SLC39A11: variants seen among roughly 807,000 people sequenced by gnomAD.
SLC39A11 encodes the protein zinc transporter ZIP11.
SLC39A11 carries 33 observed loss-of-function variants against 36.1 expected under a neutral mutation model. That is an observed-to-expected ratio of 0.91 (90% CI 0.69 to 1.22). The LOEUF is 1.22. Ranked by LOEUF, SLC39A11 falls within the 50% of genes most tolerant of loss-of-function variation. SLC39A11 has a pLI of 0.00. For missense variants in SLC39A11, 432 were observed against 430.3 expected, an observed-to-expected ratio of 1.00 and a Z score of -0.03; for synonymous variants, 166 against 170.3, an observed-to-expected ratio of 0.97 and a Z score of 0.20.
chr17:72,700,543 T>C (rs1374492473), intron 7 of SLC39A11, among the ~76,000 whole-genome samples: 1 of 152,210 alleles, frequency 6.6e-6, no homozygotes, highest in Non-Finnish European at 1.5e-5. Context: ...TGCACAGCCC[T>C]GCCCCCAGGG....
At chr17:72,788,776 C>T (rs1179004845) in intron 6 of SLC39A11, among the ~76,000 whole-genome samples, 1 of 152,300 alleles carries the variant, frequency 6.6e-6, no homozygotes, top group African/African-American at 2.4e-5. Flanking sequence ...GAGGCAGGGG[C>T]CCCAACCCCA....
intron 5 of SLC39A11, among the ~76,000 whole-genome samples, chr17:72,909,529 C>T (rs1244871852): frequency 2.0e-5 from 3 of 152,132 alleles, no homozygotes; most frequent in East Asian, 1.9e-4. Flanking sequence ...GGGCTTCAGA[C>T]ATTCAGGAAC....
At chr17:72,746,784 C>A (rs957859910) in intron 6 of SLC39A11, among the ~76,000 whole-genome samples, 1 of 151,342 alleles carries the variant, frequency 6.6e-6, no homozygotes, top group Non-Finnish European at 1.5e-5. Flanking sequence ...TGCTGGTGTG[C>A]ACCTGTAGTC....
rs566134563 is a variant in SLC39A11 at position 72,652,662 on chromosome 17, C to T, written c.672-3394G>A. On this transcript the variant is annotated intron_variant, in intron 7 of 9. Transcript: ENST00000255559. ...TCCAAGAGAGACTAAGATTTTCTAC[C>T]CTAAAGCCAAAACTCATTCCTCTGC... 9.9e-5 allele frequency among the ~76,000 whole-genome samples: 15 copies of T among 152,270 alleles called. No homozygotes were observed. In the South Asian group the frequency reaches 2.1e-3, roughly 21 times the overall value.
chr17:72,676,019 T>G (rs2071241949), intron 7 of SLC39A11, among the ~76,000 whole-genome samples: 1 of 150,944 alleles, frequency 6.6e-6, no homozygotes. Context: ...CCAGCCAAAG[T>G]CCTAAAGGTG....
chr17:72,712,385 T>C (rs2073141553), intron 7 of SLC39A11, among the ~76,000 whole-genome samples: 1 of 152,232 alleles, frequency 6.6e-6, no homozygotes, highest in Non-Finnish European at 1.5e-5. Context: ...TCTCACTCCA[T>C]CTTGAAAGAC....
chr17:72,843,139 G>A (rs957985514), intron 6 of SLC39A11, among the ~76,000 whole-genome samples: 5 of 151,796 alleles, frequency 3.3e-5, no homozygotes, highest in Admixed American at 1.3e-4. Flanking sequence ...TAGTAGAGAC[G>A]GGGTGTCATC....
intron 4 of SLC39A11, among the ~76,000 whole-genome samples, chr17:72,982,692 C>CTTTTTTT (rs57615096): frequency 6.8e-6 from 1 of 147,178 alleles, no homozygotes; most frequent in African/African-American, 2.5e-5. Context: ...GTTGCCAAGT[C>CTTTTTTT]TTTTTTTTTT....
At chr17:72,905,012 A>G (rs2082578032) in intron 5 of SLC39A11, among the ~76,000 whole-genome samples, 1 of 151,680 alleles carries the variant, frequency 6.6e-6, no homozygotes, top group Non-Finnish European at 1.5e-5. Flanking sequence ...TCTCTACTAA[A>G]TATACAAAAC....
In SLC39A11 at chr17:73,085,687, G is replaced by A. The variant is rs114836630; in HGVS notation, c.109-841C>T. On this transcript the variant is annotated intron_variant, in intron 2 of 9. Coordinates refer to ENST00000255559, the MANE Select transcript of SLC39A11 (RefSeq NM_139177.4). ...ACCCTCACACAATGGCGGTGCAAAC[G>A]GGTACCACCATTTTGGCAAACTATT... Among the ~76,000 whole-genome samples, 452 of 149,572 alleles carry A rather than the reference G, an allele frequency of 3.0e-3. 4 individuals carry two copies. The highest frequency in any genetic ancestry group is 0.011 in the African/African-American group (435 of 40,704).
intron 4 of SLC39A11, among the ~76,000 whole-genome samples, chr17:73,022,386 G>A (rs568610305): frequency 6.6e-5 from 10 of 152,244 alleles, no homozygotes; most frequent in Non-Finnish European, 1.3e-4. Context: ...CCTGAGGTCA[G>A]GAGTTCGAGA....
chr17:72,880,367 G>C (rs548104671), intron 5 of SLC39A11, among the ~76,000 whole-genome samples: 11 of 152,074 alleles, frequency 7.2e-5, no homozygotes, highest in Non-Finnish European at 1.6e-4. Context: ...CTAGGAGTCT[G>C]AGACCAGCCT....
At chr17:72,805,707 C>T (rs945485232) in intron 6 of SLC39A11, among the ~76,000 whole-genome samples, 5 of 152,054 alleles carry the variant, frequency 3.3e-5, no homozygotes, top group African/African-American at 1.2e-4. Flanking sequence ...ACAGTGACAG[C>T]CAGGAGATGT....
At chr17:72,923,376 C>T (rs2083817939) in intron 5 of SLC39A11, among the ~76,000 whole-genome samples, 1 of 152,082 alleles carries the variant, frequency 6.6e-6, no homozygotes, top group Admixed American at 6.6e-5. Context: ...AATTACAATG[C>T]ATATGAAGCA....
chr17:72,715,632 G>A (rs1168983836), intron 7 of SLC39A11, among the ~76,000 whole-genome samples: 1 of 152,176 alleles, frequency 6.6e-6, no homozygotes, highest in African/African-American at 2.4e-5. Context: ...AGTTGCCAGG[G>A]GCTGGGGGGA....
rs1191479123 is a variant in SLC39A11, at chr17:73,011,722, C to T, written c.306+19834G>A. Among the ~76,000 whole-genome samples, 5 of 149,044 alleles carry T rather than the reference C, an allele frequency of 3.4e-5. No individual in the cohort carries two copies. The East Asian group carries it at 8.1e-4, about 24-fold the overall frequency. ...TGTTGCCCAGGCTGGAGTGCAGCGG[C>T]GCGATCTTGGCTCACTGCAACCTTC... is the stretch of plus-strand genomic sequence containing the variant. On this transcript the variant is annotated intron_variant, in intron 4 of 9. Transcript: ENST00000255559.
chr17:72,956,070 T>C (rs971691702), intron 4 of SLC39A11, among the ~76,000 whole-genome samples: 3 of 152,142 alleles, frequency 2.0e-5, no homozygotes, highest in Non-Finnish European at 4.4e-5. Flanking sequence ...ACAGCCTAGC[T>C]CACTCCCTTT....
At chr17:72,720,125 G>A (rs12601168) in intron 7 of SLC39A11, among the ~76,000 whole-genome samples, 49,576 of 151,998 alleles carry the variant, frequency 0.33, 9,020 homozygotes, top group Admixed American at 0.44. Flanking sequence ...TAAAAGAGGT[G>A]ACCCAGGCTC....
intron 5 of SLC39A11, among the ~76,000 whole-genome samples, chr17:72,898,050 A>G (rs765270313): frequency 1.3e-5 from 2 of 152,148 alleles, no homozygotes; most frequent in Non-Finnish European, 2.9e-5. Context: ...TGTCACCAGT[A>G]AAGCCCAGGA....
Sources: allele counts gnomAD v4.1 joint callset (sites outside exome capture counted in the v4.1 genomes callset), GRCh38; gene constraint gnomAD v4.1.1; transcripts MANE v1.5; gene names NCBI Gene and HGNC (gene_info 2026-07-23, HGNC 2026-07-21).